TMEM35A: variants seen among roughly 807,000 people sequenced by gnomAD.
TMEM35A encodes the protein transmembrane protein 35A.
For missense variants in TMEM35A, 83 were observed against 132.7 expected (o/e 0.63, Z 1.84); for synonymous variants, 50 against 54.7 (o/e 0.91, Z 0.38).
At chrX:101,093,725 G>A (rs909581981) in intron 1 of TMEM35A, among the ~76,000 whole-genome samples, 2 of 112,100 alleles carry the variant, frequency 1.8e-5, no homozygotes, top group South Asian at 3.7e-4. Flanking sequence ...ATTCAGACTG[G>A]TATAATAAAA....
At chrX:101,086,691 T>C (rs1194681237) in intron 1 of TMEM35A, among the ~76,000 whole-genome samples, 6 of 111,799 alleles carry the variant, frequency 5.4e-5, no homozygotes, top group Non-Finnish European at 1.1e-4. Context: ...AGCCCATCTT[T>C]TTCCTGTTTT....
At chrX:101,088,882 G>A (rs1031097372) in intron 1 of TMEM35A, among the ~76,000 whole-genome samples, 2 of 110,084 alleles carry the variant, frequency 1.8e-5, no homozygotes, top group Non-Finnish European at 3.8e-5. Context: ...GTGGGTGACA[G>A]AGTGGGATTC....
intron 1 of TMEM35A, among the ~76,000 whole-genome samples, chrX:101,079,629 T>TGATA (rs774056720): frequency 7.1e-5 from 8 of 112,159 alleles, no homozygotes; most frequent in African/African-American, 2.6e-4. Context: ...GGCAGACAGC[T>TGATA]GATAGTATTC....
At chrX:101,081,182 T>C (rs60291495) in intron 1 of TMEM35A, among the ~76,000 whole-genome samples, 2,651 of 112,553 alleles carry the variant, frequency 0.024, 91 homozygotes, top group African/African-American at 0.082. Flanking sequence ...ACTTCTGTGC[T>C]AGGGGCATCT....
At chrX:101,093,229 T>C (rs886691968) in intron 1 of TMEM35A, among the ~76,000 whole-genome samples, 2 of 112,395 alleles carry the variant, frequency 1.8e-5, no homozygotes, top group Non-Finnish European at 3.7e-5. Flanking sequence ...CTAGAAAATA[T>C]GGATGTGGCT....
At chrX:101,080,554 C>A (rs2089289009) in intron 1 of TMEM35A, among the ~76,000 whole-genome samples, 1 of 110,274 alleles carries the variant, frequency 9.1e-6, no homozygotes, top group African/African-American at 3.3e-5. Flanking sequence ...GAATTGAAAT[C>A]AGGTCAAAAT....
intron 1 of TMEM35A, among the ~76,000 whole-genome samples, chrX:101,084,120 G>A (rs772181443): frequency 1.2e-3 from 118 of 101,454 alleles, no homozygotes; most frequent in African/African-American, 3.9e-3. Context: ...CCTGGGAGGC[G>A]GAGGTTGTGC....
chrX:101,087,765 T>C (rs1233788048), intron 1 of TMEM35A, among the ~76,000 whole-genome samples: 1 of 111,726 alleles, frequency 9.0e-6, no homozygotes, highest in Non-Finnish European at 1.9e-5. Context: ...TATAAGAAAC[T>C]CATCCTGGGC....
At position 101,090,987 on chromosome X, in the gene TMEM35A, G is replaced by A. The variant is rs2089322545; in HGVS notation, c.121-3586G>A. 3.6e-5 allele frequency among the ~76,000 whole-genome samples: 4 copies of A among 110,621 alleles called. No homozygotes were observed. In the South Asian group the frequency reaches 1.6e-3, roughly 43 times the overall value. ...GAGTAGCTGGGACTTATAGGCATGT[G>A]CCACCACGCCTGGGTAATTTTTTTT... On this transcript the variant is annotated intron_variant, in intron 1 of 1. Transcript: ENST00000372930.
chrX:101,089,147 A>C (rs1236968286), intron 1 of TMEM35A, among the ~76,000 whole-genome samples: 1 of 111,152 alleles, frequency 9.0e-6, no homozygotes, highest in Non-Finnish European at 1.9e-5. Context: ...CTCTCTCCTA[A>C]TTTCTCTATG....
intron 1 of TMEM35A, among the ~76,000 whole-genome samples, chrX:101,079,487 T>G (rs1325190967): frequency 9.0e-6 from 1 of 111,458 alleles, no homozygotes; most frequent in African/African-American, 3.3e-5. Context: ...TCCCTCCCTG[T>G]GAGCTAAGAG....
chrX:101,081,358 C>G (rs143489058), intron 1 of TMEM35A: 1 of 112,610 alleles, frequency 8.9e-6, no homozygotes, highest in African/African-American at 3.2e-5. Context: ...CTGGGCTTGG[C>G]CCAGCTTTAT....
chrX:101,094,898 C>G lies in TMEM35A; in HGVS notation c.446C>G (p.Ala149Gly), dbSNP rs772996883. Reference protein sequence around the residue: ...SSEKKPLPGNAEEQPSLYEKA... With the variant: ...SSEKKPLPGNGEEQPSLYEKA... ...GAGAAGAAGCCTTTGCCAGGGAATG[C>G]TGAGGAGCAACCCTCCTTATATGAG... Residue 149 changes from alanine to glycine, a missense_variant, in exon 2 of 2, where the codon GCT (alanine) becomes GGT (glycine). Ala to Gly is a moderately conservative substitution (Grantham distance 60). Transcript: ENST00000372930. 6 of 1,205,998 alleles carry G rather than the reference C, an allele frequency of 5.0e-6. No homozygotes were observed. The highest frequency in any genetic ancestry group is 6.7e-6 in the Non-Finnish European group (6 of 894,538).
chrX:101,090,169 CTT>C (rs771239790), intron 1 of TMEM35A, among the ~76,000 whole-genome samples: 10 of 97,505 alleles, frequency 1.0e-4, no homozygotes, highest in African/African-American at 4.0e-4. Flanking sequence ...TTCTTTCTTT[CTT>C]TTTTTTTTTG....
intron 1 of TMEM35A, among the ~76,000 whole-genome samples, chrX:101,079,441 C>T (rs1014654810): frequency 1.8e-4 from 20 of 111,603 alleles, no homozygotes; most frequent in Non-Finnish European, 3.4e-4. Flanking sequence ...TTCCAGCACA[C>T]ACCCAAAGTC....
At chrX:101,087,840 GTC>G (rs1196253070) in intron 1 of TMEM35A, among the ~76,000 whole-genome samples, 1 of 110,796 alleles carries the variant, frequency 9.0e-6, no homozygotes, top group Non-Finnish European at 1.9e-5. Context: ...GTGGTGAAGT[GTC>G]TCTACTAAAA....
intron 1 of TMEM35A, among the ~76,000 whole-genome samples, chrX:101,081,100 C>T (rs1254259262): frequency 1.8e-5 from 2 of 112,387 alleles, no homozygotes; most frequent in East Asian, 5.6e-4. Flanking sequence ...TACATAGGAA[C>T]ATATTTAAAT....
intron 1 of TMEM35A, among the ~76,000 whole-genome samples, chrX:101,088,817 A>G (rs1419199102): frequency 9.0e-6 from 1 of 110,607 alleles, no homozygotes; most frequent in Non-Finnish European, 1.9e-5. Context: ...AGGCAGGAGA[A>G]TCGCTTGAGC....
chrX:101,090,075 T>C (rs12836647), intron 1 of TMEM35A, among the ~76,000 whole-genome samples: 1 of 111,463 alleles, frequency 9.0e-6, no homozygotes, highest in African/African-American at 3.3e-5. Context: ...TATCTTGGTG[T>C]CCATGACCTG....
Sources: gnomAD v4.1 joint callset for allele counts (sites outside exome capture counted in the v4.1 genomes callset) on GRCh38, gnomAD v4.1.1 for gene constraint, MANE v1.5 for transcripts, NCBI Gene and HGNC (gene_info 2026-07-23, HGNC 2026-07-21) for gene names.